ATE1: variants seen among roughly 807,000 people sequenced by gnomAD.
The protein encoded by ATE1 is arginyltransferase 1.
ATE1 carries 36 observed loss-of-function variants against 70.5 expected under a neutral mutation model. The observed-to-expected ratio is 0.51, with a 90% CI of 0.39 to 0.67. The LOEUF is 0.67. Ranked by LOEUF, ATE1 falls within the 30% of genes least tolerant of loss-of-function variation. The pLI, the probability that ATE1 is intolerant of heterozygous loss-of-function variation, is 0.00. For missense variants in ATE1, 593 were observed against 629.5 expected, an observed-to-expected ratio of 0.94 and a Z score of 0.62; for synonymous variants, 232 against 219.3, an observed-to-expected ratio of 1.06 and a Z score of -0.51.
intron 10 of ATE1, among the ~76,000 whole-genome samples, chr10:121,790,522 T>C (rs1332089017): frequency 6.6e-6 from 1 of 152,176 alleles, no homozygotes; most frequent in Non-Finnish European, 1.5e-5. Context: ...CCTGTGTTGA[T>C]TTGGAAAATT....
chr10:121,841,195 T>C lies in ATE1; in HGVS notation c.1044A>G (p.Gly348=). ...GSFHQQYWLD[G]KIIAVGVIDI... ...CAATCACCCCCACAGCAATGATCTTTCCGTCAAGCCAGTACTGCTGGTGAA... is the reference window on the plus strand; with the variant it reads ...CAATCACCCCCACAGCAATGATCTTCCCGTCAAGCCAGTACTGCTGGTGAA... Residue 348 remains glycine, a synonymous_variant, in exon 9 of 12, where the codon GGA becomes GGG. Transcript: ENST00000224652. The C allele has an allele frequency of 6.3e-7, 1 of 1,598,678 alleles. No individual in the cohort carries two copies. The highest frequency in any genetic ancestry group is 1.1e-5 in the South Asian group (1 of 88,536).
rs551174223 is a variant in ATE1 at position 121,872,743 on chromosome 10, G to C, written c.943-2705C>G. On this transcript the variant is annotated intron_variant, in intron 7 of 11. Coordinates refer to ENST00000224652, the MANE Select transcript of ATE1 (RefSeq NM_001001976.3). ...AAGGACTATGGCTCAATTTTGCTGT[G>C]AACCTAAAACTACTAAAAAGTAAAG... is the stretch of plus-strand genomic sequence containing the variant. Among the ~76,000 whole-genome samples, 11 of 151,394 alleles carry C rather than the reference G, an allele frequency of 7.3e-5. 1 individual carries two copies. The highest frequency in any genetic ancestry group is 2.4e-4 in the African/African-American group (10 of 41,312).
intron 1 of ATE1, chr10:121,926,845 C>G: frequency 1.0e-6 from 1 of 985,294 alleles, no homozygotes. Context: ...AAACTGGAAG[C>G]ATTTTTCCAT....
intron 11 of ATE1, among the ~76,000 whole-genome samples, chr10:121,780,774 T>G (rs1945951922): frequency 6.6e-6 from 1 of 152,164 alleles, no homozygotes; most frequent in Non-Finnish European, 1.5e-5. Flanking sequence ...CTTAGGCCAC[T>G]TCATCCAAGC....
intron 11 of ATE1, among the ~76,000 whole-genome samples, chr10:121,766,241 C>A (rs150932422): frequency 6.6e-6 from 1 of 152,060 alleles, no homozygotes; most frequent in Non-Finnish European, 1.5e-5. Context: ...TAACTATCTG[C>A]GACATGCTTA....
intron 11 of ATE1, among the ~76,000 whole-genome samples, chr10:121,745,449 G>C (rs1189468729): frequency 6.6e-6 from 1 of 152,202 alleles, no homozygotes; most frequent in Admixed American, 6.5e-5. Flanking sequence ...GGGTGCAGTG[G>C]CTCACGCCTG....
At chr10:121,829,433 C>A (rs6585763) in intron 10 of ATE1, among the ~76,000 whole-genome samples, 24 of 150,264 alleles carry the variant, frequency 1.6e-4, no homozygotes, top group African/African-American at 2.2e-4. Flanking sequence ...AAAAAGAAAA[C>A]AAAAAAAAAG....
At chr10:121,830,945 C>T (rs535983234) in intron 10 of ATE1, among the ~76,000 whole-genome samples, 1 of 152,140 alleles carries the variant, frequency 6.6e-6, no homozygotes, top group Non-Finnish European at 1.5e-5. Context: ...TCTTTCTCTA[C>T]TTTGGACTGT....
chr10:121,788,175 T>C (rs1045898440), intron 11 of ATE1, among the ~76,000 whole-genome samples: 2 of 152,226 alleles, frequency 1.3e-5, no homozygotes, highest in African/African-American at 4.8e-5. Flanking sequence ...ATATGCTTTC[T>C]CTTATAATAC....
intron 8 of ATE1, among the ~76,000 whole-genome samples, chr10:121,849,247 A>G (rs1041476809): frequency 6.6e-6 from 1 of 152,144 alleles, no homozygotes; most frequent in African/African-American, 2.4e-5. Context: ...TAATCTCAAT[A>G]AGCACATTAT....
chr10:121,774,646 C>A (rs1945658585), intron 11 of ATE1, among the ~76,000 whole-genome samples: 2 of 152,138 alleles, frequency 1.3e-5, no homozygotes, highest in Non-Finnish European at 2.9e-5. Flanking sequence ...CATCACACTT[C>A]ACAACTTACT....
intron 4 of ATE1, among the ~76,000 whole-genome samples, chr10:121,912,471 G>A (rs1951478347): frequency 6.6e-6 from 1 of 151,354 alleles, no homozygotes; most frequent in Non-Finnish European, 1.5e-5. Context: ...CCAACACAGT[G>A]AAACCCCGTT....
At chr10:121,789,200 G>A (rs1240888057) in intron 11 of ATE1, among the ~76,000 whole-genome samples, 2 of 151,296 alleles carry the variant, frequency 1.3e-5, no homozygotes, top group African/African-American at 4.9e-5. Context: ...AGAAATCTGA[G>A]ACAAGGGAGA....
rs531885946 is a variant in ATE1 at position 121,886,213 on chromosome 10, T to G, written c.942+13653A>C. 8.6e-5 allele frequency among the ~76,000 whole-genome samples: 13 copies of G among 151,892 alleles called. No homozygotes were observed. In the South Asian group the frequency reaches 2.7e-3, roughly 32 times the overall value. On this transcript the variant is annotated intron_variant, in intron 7 of 11. Transcript: ENST00000224652. ...ATCATTTTGTTATAACTTCAATGAGTATGAGACCAGCTTGGGCAACATAGC... is the reference window on the plus strand; with the variant it reads ...ATCATTTTGTTATAACTTCAATGAGGATGAGACCAGCTTGGGCAACATAGC...
intron 7 of ATE1, among the ~76,000 whole-genome samples, chr10:121,877,643 G>A (rs1027882184): frequency 6.8e-6 from 1 of 146,346 alleles, no homozygotes; most frequent in Non-Finnish European, 1.6e-5. Context: ...TATTCAAATG[G>A]CCAATAAATA....
At chr10:121,879,221 TC>T (rs1424796044) in intron 7 of ATE1, among the ~76,000 whole-genome samples, 5 of 152,164 alleles carry the variant, frequency 3.3e-5, no homozygotes, top group African/African-American at 7.2e-5. Context: ...TTTGAAAACA[TC>T]AGGTACTCTC....
intron 3 of ATE1, among the ~76,000 whole-genome samples, chr10:121,916,955 G>C (rs897873814): frequency 1.3e-5 from 2 of 152,028 alleles, no homozygotes; most frequent in Admixed American, 1.3e-4. Context: ...TGTGAGGTAT[G>C]GAGTTCGAGA....
At chr10:121,747,582 C>A (rs75187612) in intron 11 of ATE1, among the ~76,000 whole-genome samples, 2,109 of 152,294 alleles carry the variant, frequency 0.014, 47 homozygotes, top group African/African-American at 0.048. Context: ...TGTCTTCCTA[C>A]TACTGCTAAT....
At chr10:121,899,777 T>C in intron 7 of ATE1, 89 bp downstream of exon 7, 22 of 1,507,244 alleles carry the variant, frequency 1.5e-5, no homozygotes, top group Non-Finnish European at 1.9e-5. Flanking sequence ...AAATAAAATG[T>C]AGCACAAATA....
Sources: allele counts gnomAD v4.1 joint callset (sites outside exome capture counted in the v4.1 genomes callset), GRCh38; gene constraint gnomAD v4.1.1; transcripts MANE v1.5; gene names NCBI Gene and HGNC (gene_info 2026-07-23, HGNC 2026-07-21).